The following TREML4 variants were observed in gnomAD, a reference collection of about 807,000 sequenced individuals.
TREML4 encodes triggering receptor expressed on myeloid cells like 4.
TREML4 carries 25 observed loss-of-function variants against 25.4 expected under a neutral mutation model. That is an observed-to-expected ratio of 0.98 (90% CI 0.72 to 1.37). The LOEUF is 1.37. TREML4 is among the 40% of genes most tolerant of loss of function. TREML4 has a pLI of 0.00. For synonymous variants in TREML4, 92 were observed against 87.9 expected, an observed-to-expected ratio of 1.05 and a Z score of -0.26; for missense variants, 268 against 236.5, an observed-to-expected ratio of 1.13 and a Z score of -0.87.
At chr6:41,231,873 G>A (rs1348526878) in intron 4 of TREML4, among the ~76,000 whole-genome samples, 1 of 152,102 alleles carries the variant, frequency 6.6e-6, no homozygotes, top group East Asian at 1.9e-4. Context: ...AAGAATCCAG[G>A]AAATTTTTTC....
At chr6:41,229,929 G>A in intron 3 of TREML4, 133 bp from the exon 4 acceptor site, 1 of 766,158 alleles carries the variant, frequency 1.3e-6, no homozygotes, top group Non-Finnish European at 2.3e-6. Context: ...TCAGGCCTCA[G>A]TTACCCTTAG....
intron 2 of TREML4, 90 bp downstream of exon 2, chr6:41,229,134 C>T: frequency 8.5e-7 from 1 of 1,180,076 alleles, no homozygotes. Context: ...CTCTATCATC[C>T]CCCATCCTGC....
Position 41,238,530 on chromosome 6 carries a change from A to G in TREML4, c.*1511A>G, listed in dbSNP as rs917196664. 6.6e-6 allele frequency: 1 copy of G among 152,188 alleles called. No individual in the cohort carries two copies. Among genetic ancestry groups the G allele is most frequent in the Admixed American group, 6.5e-5 (1 of 15,280 alleles). 9.4% of individuals were successfully genotyped at this position (152,188 alleles called of 1,614,324 possible). ...TTTTTTGCCTTCACTTTTCTATATC[A>G]TAAATGATGCTGTGATGAATACCCT... On this transcript the variant is annotated 3_prime_UTR_variant, in exon 6 of 6. Coordinates refer to ENST00000341495, the MANE Select transcript of TREML4 (RefSeq NM_198153.3).
rs1766755641 is a variant in TREML4 at position 41,229,940 on chromosome 6, C to T, written c.446-122C>T. 4.8e-5 allele frequency: 40 copies of T among 825,424 alleles called. No homozygotes were observed. The South Asian group carries it at 5.4e-4, about 11-fold the overall frequency. The allele number at this position is 825,424 out of a possible 1,614,324, so 51.1% of individuals were successfully genotyped here. A position where few individuals can be genotyped will look rare whatever the true frequency, so the allele number is the denominator to read the frequency against. On this transcript the variant is annotated intron_variant, in intron 3 of 5. Coordinates refer to ENST00000341495, the MANE Select transcript of TREML4 (RefSeq NM_198153.3). Reference sequence around the variant, plus strand: ...GATCTCAGGCCTCAGTTACCCTTAGCCTGAGGGACCCTTAGGGGCTGCCTC... The same window carrying T: ...GATCTCAGGCCTCAGTTACCCTTAGTCTGAGGGACCCTTAGGGGCTGCCTC...
At chr6:41,230,975 C>T in intron 4 of TREML4, 2 of 168,762 alleles carry the variant, frequency 1.2e-5, no homozygotes, top group South Asian at 2.6e-4. Flanking sequence ...CTCATAGTAG[C>T]ATGAGCCCTG....
intron 4 of TREML4, among the ~76,000 whole-genome samples, chr6:41,232,856 G>A (rs1766828624): frequency 1.3e-5 from 2 of 152,180 alleles, no homozygotes; most frequent in Admixed American, 1.3e-4. Context: ...GGGAGTGGCT[G>A]TAAATACTAA....
chr6:41,232,957 G>T (rs2113941141), intron 4 of TREML4, among the ~76,000 whole-genome samples: 1 of 152,350 alleles, frequency 6.6e-6, no homozygotes, highest in East Asian at 1.9e-4. Flanking sequence ...TGACTCAGGG[G>T]TTGGGGACCC....
intron 4 of TREML4, among the ~76,000 whole-genome samples, chr6:41,235,434 T>C (rs1444229356): frequency 6.6e-6 from 1 of 152,138 alleles, no homozygotes; most frequent in Non-Finnish European, 1.5e-5. Context: ...AGAAAAAGAA[T>C]GAGAAACAAC....
At chr6:41,228,515 G>T in intron 1 of TREML4, 25 bp downstream of exon 1, 1 of 1,606,848 alleles carries the variant, frequency 6.2e-7, no homozygotes, top group Non-Finnish European at 8.5e-7. Flanking sequence ...AAGAGTGCAG[G>T]GGGTGTAAGG....
intron 4 of TREML4, chr6:41,232,510 G>A (rs1386946257): frequency 5.1e-6 from 1 of 197,552 alleles, no homozygotes; most frequent in Non-Finnish European, 1.1e-5. Context: ...TGGAGGTAGG[G>A]GATGGTTTCA....
chr6:41,228,772 A>G lies in TREML4; in HGVS notation c.122A>G (p.Gln41Arg), dbSNP rs1766727129. The change falls in exon 2 of 6, where the codon CAG (glutamine) becomes CGG (arginine). Residue 41 changes from glutamine to arginine, a missense_variant. Physicochemically the swap from Gln to Arg is conservative, Grantham distance 43. Transcript: ENST00000341495. ...HPGQTLLLQCQYSPKRGPYQP... is the reference protein window; with the variant it reads ...HPGQTLLLQCRYSPKRGPYQP... ...GGACAGACCCTCCTCCTGCAATGCC[A>G]GTACTCACCCAAGAGAGGGCCCTAT... The G allele has an allele frequency of 6.2e-7, 1 of 1,614,044 alleles. No individual in the cohort carries two copies. Among genetic ancestry groups the G allele is most frequent in the Non-Finnish European group, 8.5e-7 (1 of 1,180,032 alleles).
chr6:41,231,633 T>C (rs1250259505), intron 4 of TREML4, among the ~76,000 whole-genome samples: 1 of 152,134 alleles, frequency 6.6e-6, no homozygotes, highest in Non-Finnish European at 1.5e-5. Flanking sequence ...ATGCTGATCA[T>C]AGTTGTGAAA....
At chr6:41,231,218 C>A in intron 4 of TREML4, 1 of 225,936 alleles carries the variant, frequency 4.4e-6, no homozygotes. Context: ...GTGCTTTAAT[C>A]ATCCTGAAAC....
Position 41,236,563 on chromosome 6 carries a change from C to T in TREML4, c.584C>T (p.Ala195Val). 6.2e-7 allele frequency: 1 copy of T among 1,614,010 alleles called. No homozygotes were observed. Residue 195 changes from alanine (A) to valine (V), a missense_variant, in exon 5 of 6, where the codon GCC becomes GTC. Physicochemically the swap from Ala to Val is moderately conservative, Grantham distance 64 (BLOSUM62 0). Transcript: ENST00000341495. ...TTGGTGCTATGTGGACTCCTCCTGG[C>T]CAAGGGCCTGATGTTGTGAGTCCTG... ...LVLVLCGLLL[A>V]KGLML
rs1223013658 is a variant in TREML4, at chr6:41,238,442, C to T, written c.*1423C>T. 6.6e-6 allele frequency: 1 copy of T among 152,190 alleles called. No homozygotes were observed. The highest frequency in any genetic ancestry group is 2.4e-5 in the African/African-American group (1 of 41,446). The allele number at this position is 152,190 out of a possible 1,614,324, so 9.4% of individuals were successfully genotyped here. A position where few individuals can be genotyped will look rare whatever the true frequency, so the allele number is the denominator to read the frequency against. ...CACATATACACAGCCCACTTCTTTT[C>T]AGTGCTTATTCCATTGCGTACATAT... On this transcript the variant is annotated 3_prime_UTR_variant, in exon 6 of 6. Coordinates refer to ENST00000341495, the MANE Select transcript of TREML4 (RefSeq NM_198153.3).
chr6:41,238,350 T>C lies in TREML4; in HGVS notation c.*1331T>C, dbSNP rs1766940580. ...TCCAGTATTTTTTTTTCTGTGACTA[T>C]GTTTTCACTTACATAAAAGAAATTG... On this transcript the variant is annotated 3_prime_UTR_variant, in exon 6 of 6. Coordinates refer to ENST00000341495, the MANE Select transcript of TREML4 (RefSeq NM_198153.3). 6.6e-6 allele frequency: 1 copy of C among 152,256 alleles called. No homozygotes were observed. Among genetic ancestry groups the C allele is most frequent in the African/African-American group, 2.4e-5 (1 of 41,474 alleles). The allele number at this position is 152,256 out of a possible 1,614,324, so 9.4% of individuals were successfully genotyped here. A position where few individuals can be genotyped will look rare whatever the true frequency, so the allele number is the denominator to read the frequency against.
intron 4 of TREML4, among the ~76,000 whole-genome samples, chr6:41,234,501 G>A (rs910021110): frequency 2.3e-4 from 31 of 136,072 alleles, no homozygotes; most frequent in South Asian, 2.0e-3. Flanking sequence ...AGATAGACAT[G>A]TTCTTGTCAA....
Position 41,231,363 on chromosome 6 carries a change from C to T in TREML4, c.506+1241C>T, listed in dbSNP as rs72664254. Among the ~76,000 whole-genome samples the T allele has an allele frequency of 2.2e-4, 34 of 151,780 alleles. No individual in the cohort carries two copies. The East Asian group carries it at 6.4e-3, about 28-fold the overall frequency. ...CTCAATGGCTAGAGGATTTAGTCTT[C>T]GGTTCTTCCCCATTACCAGATCCGT... On this transcript the variant is annotated intron_variant, in intron 4 of 5. Coordinates refer to ENST00000341495, the MANE Select transcript of TREML4 (RefSeq NM_198153.3).
chr6:41,231,200 A>C (rs1582116020), intron 4 of TREML4: 1 of 292,610 alleles, frequency 3.4e-6, no homozygotes, highest in East Asian at 9.1e-5. Flanking sequence ...GTGCACAATA[A>C]ATATAATGTG....
Sources: gnomAD v4.1 joint callset for allele counts (sites outside exome capture counted in the v4.1 genomes callset) on GRCh38, gnomAD v4.1.1 for gene constraint, MANE v1.5 for transcripts, NCBI Gene and HGNC (gene_info 2026-07-23, HGNC 2026-07-21) for gene names.